Variants in TENM4 observed in about 807,000 individuals in gnomAD.
TENM4 encodes teneurin-4.
A neutral mutation model predicts 243.3 loss-of-function variants in TENM4; 82 were observed. The observed-to-expected ratio is 0.34, with a 90% CI of 0.28 to 0.40. The LOEUF (loss-of-function observed/expected upper bound fraction) is 0.40. Ranked by LOEUF, TENM4 falls within the 10% of genes least tolerant of loss-of-function variation. The pLI is 1.00. For missense variants in TENM4, 3,138 were observed against 3,673.3 expected, an observed-to-expected ratio of 0.85 and a Z score of 3.77; for synonymous variants, 1,412 against 1,456.3, an observed-to-expected ratio of 0.97 and a Z score of 0.69.
chr11:79,143,096 A>G (rs1341534522), intron 4 of TENM4, among the ~76,000 whole-genome samples: 1 of 152,144 alleles, frequency 6.6e-6, no homozygotes, highest in Non-Finnish European at 1.5e-5. Flanking sequence ...AACTAGTTCA[A>G]CCATTGTGGA....
At chr11:79,254,401 A>G (rs1855665551) in intron 2 of TENM4, among the ~76,000 whole-genome samples, 1 of 152,220 alleles carries the variant, frequency 6.6e-6, no homozygotes, top group African/African-American at 2.4e-5. Context: ...ACCCAAGAAC[A>G]GAGGATAAAT....
intron 1 of TENM4, among the ~76,000 whole-genome samples, chr11:79,430,003 A>C (rs1021889403): frequency 1.3e-5 from 2 of 152,170 alleles, no homozygotes; most frequent in East Asian, 3.9e-4. Context: ...TGACAAATTT[A>C]GTGCCTCTTT....
intron 6 of TENM4, among the ~76,000 whole-genome samples, chr11:78,904,176 T>C (rs1024602208): frequency 6.6e-6 from 1 of 151,860 alleles, no homozygotes; most frequent in East Asian, 1.9e-4. Context: ...CTGGCTAACA[T>C]GGTGAAACCC....
intron 10 of TENM4, 93 bp downstream of exon 10, chr11:78,862,869 A>T (rs1858858172): frequency 8.0e-7 from 1 of 1,246,292 alleles, no homozygotes; most frequent in Non-Finnish European, 1.0e-6. Context: ...TGGAGCTGTG[A>T]GCCAGGCACA....
intron 6 of TENM4, among the ~76,000 whole-genome samples, chr11:78,923,975 C>T (rs1856502590): frequency 6.6e-6 from 1 of 151,914 alleles, no homozygotes; most frequent in Admixed American, 6.6e-5. Flanking sequence ...CTGCCTCAGC[C>T]TCCCAAGTAG....
At chr11:79,274,590 G>C (rs1257357798) in intron 2 of TENM4, among the ~76,000 whole-genome samples, 1 of 152,138 alleles carries the variant, frequency 6.6e-6, no homozygotes, top group African/African-American at 2.4e-5. Flanking sequence ...GGGCTCACCA[G>C]GCCACCCCTC....
chr11:79,175,626 T>C (rs1383659667), intron 3 of TENM4, among the ~76,000 whole-genome samples: 4 of 152,230 alleles, frequency 2.6e-5, no homozygotes, highest in African/African-American at 9.6e-5. Context: ...TTTTAGAAAT[T>C]AAAGGCAAAC....
intron 22 of TENM4, among the ~76,000 whole-genome samples, chr11:78,728,247 A>C (rs1275528008): frequency 2.6e-5 from 4 of 152,334 alleles, no homozygotes; most frequent in Non-Finnish European, 4.4e-5. Flanking sequence ...AAGATCTGGA[A>C]TAAATCCAGC....
At chr11:79,326,019 T>C (rs916919428) in intron 1 of TENM4, among the ~76,000 whole-genome samples, 2 of 152,234 alleles carry the variant, frequency 1.3e-5, no homozygotes, top group Non-Finnish European at 2.9e-5. Flanking sequence ...GTTCCCGCTT[T>C]GGGTTGCATG....
intron 3 of TENM4, among the ~76,000 whole-genome samples, chr11:79,203,441 A>G (rs745352514): frequency 6.6e-6 from 1 of 152,250 alleles, no homozygotes; most frequent in Non-Finnish European, 1.5e-5. Flanking sequence ...CCCTTTATCC[A>G]CAGAGGATAC....
intron 1 of TENM4, among the ~76,000 whole-genome samples, chr11:79,312,933 G>A (rs915550328): frequency 1.3e-5 from 2 of 152,180 alleles, no homozygotes; most frequent in Non-Finnish European, 2.9e-5. Context: ...AAGCTGACAC[G>A]GGAAGGCTGT....
chr11:79,120,698 TACTA>T (rs1408839786), intron 4 of TENM4, among the ~76,000 whole-genome samples: 1 of 152,196 alleles, frequency 6.6e-6, no homozygotes, highest in East Asian at 1.9e-4. Flanking sequence ...AAAATATAAA[TACTA>T]AATACTGGGA....
At chr11:79,413,198 T>C (rs1375098393) in intron 1 of TENM4, among the ~76,000 whole-genome samples, 2 of 152,216 alleles carry the variant, frequency 1.3e-5, no homozygotes, top group African/African-American at 4.8e-5. Context: ...TCTGGGCACC[T>C]TGTGTTCCAA....
chr11:78,834,011 G>A (rs147130177), intron 12 of TENM4, among the ~76,000 whole-genome samples: 152 of 152,224 alleles, frequency 1.0e-3, no homozygotes, highest in Middle Eastern at 3.4e-3. Context: ...CTTGCAATCC[G>A]TCAGCCCATG....
chr11:79,139,172 T>G (rs1290482629), intron 4 of TENM4, among the ~76,000 whole-genome samples: 2 of 66,062 alleles, frequency 3.0e-5, no homozygotes, highest in East Asian at 4.2e-4. Context: ...TATATTTCTA[T>G]AAATATATAA....
intron 2 of TENM4, among the ~76,000 whole-genome samples, chr11:79,259,596 T>A (rs1855758668): frequency 6.6e-6 from 1 of 150,526 alleles, no homozygotes; most frequent in African/African-American, 2.5e-5. Flanking sequence ...CACTCATCCA[T>A]CCACCTATCC....
At chr11:79,350,871 CA>C (rs1857403273) in intron 1 of TENM4, among the ~76,000 whole-genome samples, 1 of 152,104 alleles carries the variant, frequency 6.6e-6, no homozygotes, top group Admixed American at 6.5e-5. Flanking sequence ...TTCTTCTGCT[CA>C]GAACCCTCCA....
intron 6 of TENM4, among the ~76,000 whole-genome samples, chr11:78,907,816 C>G (rs1429336140): frequency 6.6e-6 from 1 of 152,200 alleles, no homozygotes; most frequent in Non-Finnish European, 1.5e-5. Flanking sequence ...CATTGGTACA[C>G]TTGCAAAGCT....
chr11:79,208,015 T>A (rs1281526020), intron 3 of TENM4, among the ~76,000 whole-genome samples: 1 of 152,004 alleles, frequency 6.6e-6, no homozygotes, highest in African/African-American at 2.4e-5. Context: ...ACAGGAATGC[T>A]ATTCCAGAGC....
Sources: gnomAD v4.1 joint callset for allele counts (sites outside exome capture counted in the v4.1 genomes callset) on GRCh38, gnomAD v4.1.1 for gene constraint, MANE v1.5 for transcripts, NCBI Gene and HGNC (gene_info 2026-07-23, HGNC 2026-07-21) for gene names.